Variants in LILRB1 observed in about 807,000 individuals in gnomAD.
LILRB1 encodes the protein leukocyte immunoglobulin-like receptor subfamily B member 1.
In LILRB1, 59 loss-of-function variants were observed where a neutral mutation model predicts 74.6. That is an observed-to-expected ratio of 0.79 (90% CI 0.64 to 0.98). The LOEUF (loss-of-function observed/expected upper bound fraction) is 0.98. LILRB1 is among the 50% of genes least tolerant of loss of function. The pLI is 0.00. For synonymous variants in LILRB1, 328 were observed against 333.9 expected (o/e 0.98, Z 0.19); for missense variants, 804 against 822.6 (o/e 0.98, Z 0.28).
In LILRB1 at chr19:54,632,654, G is replaced by A; in HGVS notation, c.852G>A (p.Leu284=). ...QAGLSQANFT[L]GPVSRSYGGQ... ...GGCTCTCCCAGGCCAACTTCACCCT[G>A]GGCCCTGTGAGCCGCTCCTACGGGG... Residue 284 remains leucine (L), a synonymous_variant, in exon 6 of 15, where the codon CTG becomes CTA. Transcript: ENST00000324602. 2 of 1,613,922 alleles carry A rather than the reference G, an allele frequency of 1.2e-6. No homozygotes were observed. Among genetic ancestry groups the A allele is most frequent in the Non-Finnish European group, 1.7e-6 (2 of 1,180,024 alleles).
rs111806816 is a variant in LILRB1 at position 54,631,372 on chromosome 19, C to T, written c.70+66C>T. 9.9e-3 allele frequency: 14,027 copies of T among 1,417,672 alleles called. 586 individuals carry two copies. The African/African-American group carries it at 0.16, about 16-fold the overall frequency. 87.8% of individuals were successfully genotyped at this position (1,417,672 alleles called of 1,614,324 possible). ...TGGGGACAAGGGGCCACCCCCGTGCCGCTGGGGATGGGGAATAGCAGTTCT... is the reference window on the plus strand; with the variant it reads ...TGGGGACAAGGGGCCACCCCCGTGCTGCTGGGGATGGGGAATAGCAGTTCT... On this transcript the variant is annotated intron_variant, in intron 3 of 14. Transcript: ENST00000324602.
upstream of LILRB1, among the ~76,000 whole-genome samples, chr19:54,627,603 GC>G (rs962030467): frequency 6.6e-6 from 1 of 152,186 alleles, no homozygotes; most frequent in African/African-American, 2.4e-5. Context: ...GAAAAAACTT[GC>G]CCAGCAACGG....
intron 13 of LILRB1, 131 bp from the exon 14 acceptor site, chr19:54,636,363 A>T (rs1423321421): frequency 6.7e-7 from 1 of 1,496,934 alleles, no homozygotes; most frequent in African/African-American, 1.4e-5. Flanking sequence ...CAGACCCTCC[A>T]CGGCCTTAGG....
chr19:54,634,077 G>A, intron 9 of LILRB1, 56 bp downstream of exon 9: 7 of 1,557,864 alleles, frequency 4.5e-6, no homozygotes, highest in South Asian at 3.5e-5. Context: ...GCAGGGGTGG[G>A]TTCTGTCCTA....
upstream of LILRB1, among the ~76,000 whole-genome samples, chr19:54,626,543 A>G (rs2063594408): frequency 6.6e-6 from 1 of 152,010 alleles, no homozygotes; most frequent in South Asian, 2.1e-4. Context: ...TTCTCTGATG[A>G]CTAATGAAAA....
In LILRB1 at chr19:54,631,843, G is replaced by A; in HGVS notation, c.358+56G>A. On this transcript the variant is annotated intron_variant, in intron 4 of 14. Coordinates refer to ENST00000324602, the MANE Select transcript of LILRB1 (RefSeq NM_001081637.3). ...GACTCTGCCCTCAGGAAGGGGGACG[G>A]CTCTCAGGGGCTTCTCCCTCTCACA... The A allele has an allele frequency of 3.1e-6, 5 of 1,605,100 alleles. No homozygotes were observed. The South Asian group carries it at 5.6e-5, about 18-fold the overall frequency.
upstream of LILRB1, among the ~76,000 whole-genome samples, chr19:54,616,360 T>C (rs1419805244): frequency 6.6e-6 from 1 of 152,168 alleles, no homozygotes; most frequent in Non-Finnish European, 1.5e-5. Flanking sequence ...TGATCACTCA[T>C]ATTTGGCTCA....
chr19:54,622,975 G>C (rs942818130), intron 1 of LILRB1, among the ~76,000 whole-genome samples: 2 of 152,116 alleles, frequency 1.3e-5, no homozygotes, highest in Admixed American at 1.3e-4. Context: ...TTATTGACTT[G>C]CATATATTGA....
At chr19:54,630,753 A>G in intron 1 of LILRB1, 120 bp downstream of exon 1, 1 of 717,380 alleles carries the variant, frequency 1.4e-6, no homozygotes, top group Non-Finnish European at 2.5e-6. Flanking sequence ...AGACACAGGA[A>G]GGAACCAGTT....
intron 1 of LILRB1, among the ~76,000 whole-genome samples, chr19:54,618,757 C>A (rs1055396046): frequency 2.0e-5 from 3 of 152,136 alleles, no homozygotes; most frequent in Non-Finnish European, 2.9e-5. Flanking sequence ...AAAAAAATAA[C>A]TTTATATTTA....
intron 1 of LILRB1, among the ~76,000 whole-genome samples, chr19:54,617,553 CTG>C (rs55635122): frequency 0.07 from 9,992 of 143,124 alleles, 392 homozygotes; most frequent in Middle Eastern, 0.15. Context: ...TACAGGATGT[CTG>C]TGTGTGTGTG....
At chr19:54,621,141 T>C (rs887402338) in intron 1 of LILRB1, among the ~76,000 whole-genome samples, 1 of 152,230 alleles carries the variant, frequency 6.6e-6, no homozygotes, top group African/African-American at 2.4e-5. Context: ...CCCAAAGTGC[T>C]GGGATTACAG....
chr19:54,617,109 A>C (rs1172144455), upstream of LILRB1: 1 of 152,308 alleles, frequency 6.6e-6, no homozygotes, highest in Non-Finnish European at 1.5e-5. Context: ...ACTGTGACCC[A>C]CTGCACAAAC....
At chr19:54,624,143 A>G (rs2063520972) in intron 1 of LILRB1, among the ~76,000 whole-genome samples, 1 of 152,206 alleles carries the variant, frequency 6.6e-6, no homozygotes, top group Admixed American at 6.5e-5. Context: ...ACCCCTGGGC[A>G]GAGCTGGAAC....
upstream of LILRB1, among the ~76,000 whole-genome samples, chr19:54,628,956 A>G (rs998392123): frequency 6.6e-6 from 1 of 152,252 alleles, no homozygotes; most frequent in Non-Finnish European, 1.5e-5. Flanking sequence ...CAGGAACCGC[A>G]GGTGAAAACC....
At chr19:54,625,640 G>T (rs1363332075), upstream of LILRB1, among the ~76,000 whole-genome samples, 169 of 92,240 alleles carry the variant, frequency 1.8e-3, no homozygotes, top group Middle Eastern at 0.02. Context: ...AGGGAGCCTC[G>T]CACTCACTCA....
chr19:54,630,839 G>A (rs2063768149), intron 1 of LILRB1, 187 bp from the exon 2 acceptor site: 1 of 715,978 alleles, frequency 1.4e-6, no homozygotes. Context: ...TCAGGAAAGG[G>A]CCCATTACCA....
rs2064117747 is a variant in LILRB1, at chr19:54,633,639, A to T, written c.1263A>T (p.Gly421=). The T allele has an allele frequency of 1.9e-6, 3 of 1,613,116 alleles. No individual in the cohort carries two copies. ...PSDPLELVVS[G]PSGGPSSPTT... The stretch of plus-strand genomic sequence containing the variant: ...GCCTCCTCTCATTCTTTTACCCAGG[A>T]CCGTCTGGGGGCCCCAGCTCCCCGA... Residue 421 remains glycine, a splice_region_variant and synonymous_variant, in exon 8 of 15, where the codon GGA becomes GGT. Coordinates refer to ENST00000324602, the MANE Select transcript of LILRB1 (RefSeq NM_001081637.3).
upstream of LILRB1, among the ~76,000 whole-genome samples, chr19:54,616,722 G>T (rs193112859): frequency 5.9e-5 from 9 of 152,120 alleles, no homozygotes; most frequent in African/African-American, 2.2e-4. Flanking sequence ...AATTAATCTC[G>T]ATTTGGCTTG....
Sources: allele counts gnomAD v4.1 joint callset (sites outside exome capture counted in the v4.1 genomes callset), GRCh38; gene constraint gnomAD v4.1.1; transcripts MANE v1.5; gene names NCBI Gene and HGNC (gene_info 2026-07-23, HGNC 2026-07-21).